Variants in ABLIM1 observed in about 807,000 individuals in gnomAD.
ABLIM1 encodes the protein actin-binding LIM protein 1.
In ABLIM1, 40 loss-of-function variants were observed where a neutral mutation model predicts 107.0. The ratio of observed to expected loss-of-function variants is 0.37; its 90% confidence interval spans 0.29 to 0.49. The LOEUF (loss-of-function observed/expected upper bound fraction) is 0.49. Among genes scored for constraint, ABLIM1 ranks in the 20% least tolerant of loss-of-function variants. The pLI is 0.97. For synonymous variants in ABLIM1, 357 were observed against 357.3 expected (o/e 1.00, Z 0.01); for missense variants, 857 against 1,008.5 (o/e 0.85, Z 2.04).
intron 1 of ABLIM1, among the ~76,000 whole-genome samples, chr10:114,645,967 G>A (rs1047149239): frequency 9.9e-5 from 15 of 152,162 alleles, no homozygotes; most frequent in African/African-American, 3.6e-4. Flanking sequence ...GCTGCATATT[G>A]CTACAATTCA....
rs1306879155 is a variant in ABLIM1, at chr10:114,451,668, T to C, written c.1550A>G (p.Gln517Arg). ...TGGCTTTCGGTAAATGTTGATTCCT[T>C]GATCTGTGGAAATGAAAAGCAAAGG... ...QAPKHFHVPD[Q>R]GINIYRKPPI... The change falls in exon 14 of 23, where the codon CAA becomes CGA. Residue 517 changes from glutamine to arginine, a missense_variant. Around this residue, in one of 5 missense-constraint regions of ABLIM1, gnomAD observed 381 missense variants for 506.9 expected, o/e 0.75. Coordinates refer to ENST00000533213, the MANE Select transcript of ABLIM1 (RefSeq NM_002313.7). The C allele has an allele frequency of 1.2e-5, 20 of 1,611,330 alleles. No individual in the cohort carries two copies. Among genetic ancestry groups the C allele is most frequent in the Non-Finnish European group, 1.6e-5 (19 of 1,178,610 alleles).
chr10:114,668,501 GTTTA>G (rs1457079632), intron 1 of ABLIM1, among the ~76,000 whole-genome samples: 1 of 152,036 alleles, frequency 6.6e-6, no homozygotes, highest in Non-Finnish European at 1.5e-5. Context: ...TCTTTCTTTC[GTTTA>G]TTTATTTAGT....
intron 1 of ABLIM1, among the ~76,000 whole-genome samples, chr10:114,709,091 A>T (rs1461155918): frequency 6.6e-6 from 1 of 152,194 alleles, no homozygotes; most frequent in Non-Finnish European, 1.5e-5. Flanking sequence ...CTGCATAGTT[A>T]AGTTACTGCT....
intron 1 of ABLIM1, among the ~76,000 whole-genome samples, chr10:114,609,335 T>A (rs1279964942): frequency 2.0e-5 from 3 of 152,188 alleles, no homozygotes; most frequent in African/African-American, 4.8e-5. Flanking sequence ...CTTGCTGTGG[T>A]TTCTCTTCTC....
chr10:114,480,641 A>C (rs2134330301), intron 8 of ABLIM1, among the ~76,000 whole-genome samples: 1 of 152,364 alleles, frequency 6.6e-6, no homozygotes, highest in East Asian at 1.9e-4. Context: ...GTGATCGCTC[A>C]GAGTATTTTG....
chr10:114,578,943 C>T (rs770744549), intron 2 of ABLIM1, among the ~76,000 whole-genome samples: 15 of 151,732 alleles, frequency 9.9e-5, no homozygotes, highest in African/African-American at 1.9e-4. Context: ...CCTGCCACCA[C>T]GCCTGGCTAA....
Position 114,435,021 on chromosome 10 carries a change from C to T in ABLIM1, c.*1239G>A, listed in dbSNP as rs4751906. 6.6e-6 allele frequency: 1 copy of T among 152,028 alleles called. No homozygotes were observed. The highest frequency in any genetic ancestry group is 2.1e-4 in the South Asian group (1 of 4,816). The allele number at this position is 152,028 out of a possible 1,614,324, so 9.4% of individuals were successfully genotyped here. A position where few individuals can be genotyped will look rare whatever the true frequency, so the allele number is the denominator to read the frequency against. The stretch of plus-strand genomic sequence containing the variant: ...CTTTAGAAGCTGCAACACAGCAGGA[C>T]AAACATTCAAGCAGAAATTAAAAAG... On this transcript the variant is annotated 3_prime_UTR_variant, in exon 23 of 23. Coordinates refer to ENST00000533213, the MANE Select transcript of ABLIM1 (RefSeq NM_002313.7).
chr10:114,440,186 T>C, intron 19 of ABLIM1, 97 bp from the exon 20 acceptor site: 1 of 1,271,870 alleles, frequency 7.9e-7, no homozygotes. Flanking sequence ...CCCAACATAT[T>C]CGCCCTATAA....
At chr10:114,547,502 A>C in intron 5 of ABLIM1, 148 bp downstream of exon 5, 1 of 1,081,748 alleles carries the variant, frequency 9.2e-7, no homozygotes, top group Non-Finnish European at 1.3e-6. Flanking sequence ...TCTTTTCAAA[A>C]GTTTTATAGC....
intron 1 of ABLIM1, among the ~76,000 whole-genome samples, chr10:114,726,959 T>A (rs2081973967): frequency 6.6e-6 from 1 of 152,146 alleles, no homozygotes; most frequent in South Asian, 2.1e-4. Context: ...GTTAGAGCAA[T>A]TCAACTTGGT....
intron 12 of ABLIM1, among the ~76,000 whole-genome samples, chr10:114,459,451 G>A (rs2063439631): frequency 6.6e-6 from 1 of 152,206 alleles, no homozygotes; most frequent in Non-Finnish European, 1.5e-5. Context: ...ATGGATGCAT[G>A]TTTTTCAAAA....
At chr10:114,663,987 T>G (rs915110780) in intron 1 of ABLIM1, among the ~76,000 whole-genome samples, 7 of 152,202 alleles carry the variant, frequency 4.6e-5, no homozygotes, top group African/African-American at 1.4e-4. Context: ...CTCTCAACAC[T>G]GAAAAGCTCT....
At chr10:114,542,401 C>T (rs2066778480) in intron 6 of ABLIM1, among the ~76,000 whole-genome samples, 2 of 122,540 alleles carry the variant, frequency 1.6e-5, no homozygotes. Flanking sequence ...CAGAGCAAAA[C>T]CTTGTCTCTA....
At chr10:114,666,928 C>T (rs749456266) in intron 1 of ABLIM1, among the ~76,000 whole-genome samples, 5 of 152,146 alleles carry the variant, frequency 3.3e-5, no homozygotes, top group Non-Finnish European at 5.9e-5. Flanking sequence ...AGAATCCAAG[C>T]CAGCCAGGTA....
upstream of ABLIM1, among the ~76,000 whole-genome samples, chr10:114,768,715 G>C (rs374546967): frequency 6.6e-6 from 1 of 152,040 alleles, no homozygotes; most frequent in Non-Finnish European, 1.5e-5. Context: ...AGCGGGGGGC[G>C]TCAGGGTCCC....
At chr10:114,768,395 C>G (rs1369319131), upstream of ABLIM1, among the ~76,000 whole-genome samples, 1 of 151,032 alleles carries the variant, frequency 6.6e-6, no homozygotes, top group Non-Finnish European at 1.5e-5. Context: ...GCTCTGTCCC[C>G]GAGGAACGAG....
intron 4 of ABLIM1, among the ~76,000 whole-genome samples, chr10:114,549,236 T>C (rs532601621): frequency 6.6e-6 from 1 of 152,124 alleles, no homozygotes; most frequent in Non-Finnish European, 1.5e-5. Context: ...TACAAAAAAT[T>C]AGCCGGGCAT....
At chr10:114,526,812 T>A (rs948871105) in intron 6 of ABLIM1, 4 of 985,356 alleles carry the variant, frequency 4.1e-6, no homozygotes. Flanking sequence ...CTGGGTTACA[T>A]ATCAGGCTTC....
chr10:114,444,264 G>T, intron 16 of ABLIM1, 130 bp from the exon 17 acceptor site: 1 of 727,652 alleles, frequency 1.4e-6, no homozygotes, highest in Non-Finnish European at 2.2e-6. Context: ...AATGCATGTG[G>T]CCCCAGAGCC....
Sources: gnomAD v4.1 joint callset for allele counts (sites outside exome capture counted in the v4.1 genomes callset) on GRCh38, gnomAD v4.1.1 for gene constraint, gnomAD v4.1.1 regional missense constraint, MANE v1.5 for transcripts, NCBI Gene and HGNC (gene_info 2026-07-23, HGNC 2026-07-21) for gene names.